The following CFAP53 variants were observed in gnomAD, a reference collection of about 807,000 sequenced individuals.
CFAP53 encodes cilia- and flagella-associated protein 53.
Under a neutral mutation model 59.7 loss-of-function variants are expected in CFAP53, and 62 were observed. The observed-to-expected ratio is 1.04, with a 90% CI of 0.85 to 1.28. CFAP53 has a LOEUF of 1.28. CFAP53 is among the 50% of genes most tolerant of loss of function. The probability of loss-of-function intolerance (pLI) is 0.00; values close to 1 mark genes in which losing one functional copy is unlikely to be tolerated. For synonymous variants in CFAP53, 218 were observed against 205.7 expected (o/e 1.06, Z -0.51); for missense variants, 629 against 615.6 (o/e 1.02, Z -0.23).
chr18:50,243,349 G>T (rs1315155001), intron 5 of CFAP53, among the ~76,000 whole-genome samples: 3 of 152,182 alleles, frequency 2.0e-5, no homozygotes, highest in Admixed American at 2.0e-4. Flanking sequence ...TTAAAGTGAG[G>T]TGATGGACAC....
Position 50,227,259 on chromosome 18 carries a change from C to T in CFAP53, c.*122G>A. ...TTATTCAAAGGAAGAAAATTATGTT[C>T]AATTAATTACACAAACTCAGGGAAA... On this transcript the variant is annotated 3_prime_UTR_variant, in exon 8 of 8. Coordinates refer to ENST00000398545, the MANE Select transcript of CFAP53 (RefSeq NM_145020.5). 1 of 739,186 alleles carries T rather than the reference C, an allele frequency of 1.4e-6. No homozygotes were observed. Among genetic ancestry groups the T allele is most frequent in the Non-Finnish European group, 2.2e-6 (1 of 458,606 alleles). The allele number at this position is 739,186 out of a possible 1,614,324, so 45.8% of individuals were successfully genotyped here.
intron 3 of CFAP53, among the ~76,000 whole-genome samples, chr18:50,259,369 A>G (rs2033871332): frequency 6.7e-6 from 1 of 149,612 alleles, no homozygotes; most frequent in African/African-American, 2.5e-5. Context: ...CAAACATTGC[A>G]TGTTCTCACT....
intron 7 of CFAP53, among the ~76,000 whole-genome samples, chr18:50,236,928 A>C (rs577679395): frequency 1.3e-5 from 2 of 152,116 alleles, no homozygotes; most frequent in South Asian, 2.1e-4. Context: ...TTTCTTCCTT[A>C]TCTCTCCACC....
intron 5 of CFAP53, among the ~76,000 whole-genome samples, chr18:50,243,612 T>G (rs189650358): frequency 8.5e-5 from 13 of 152,318 alleles, no homozygotes; most frequent in Non-Finnish European, 1.8e-4. Flanking sequence ...ATTACAGCAA[T>G]TCTCAATCTT....
chr18:50,258,633 C>T (rs1195512951), intron 3 of CFAP53, among the ~76,000 whole-genome samples: 1 of 152,120 alleles, frequency 6.6e-6, no homozygotes, highest in Non-Finnish European at 1.5e-5. Flanking sequence ...AGCTTCTGCA[C>T]AGCAAAAGAT....
In CFAP53 at chr18:50,233,416, G is replaced by A. The variant is rs546623268; in HGVS notation, c.1316+5187C>T. ...GCAGCGTCACCCTCTTAATATTGATGCTTTTATAAGGGAGGTAGTTTACGA... is the reference window on the plus strand; with the variant it reads ...GCAGCGTCACCCTCTTAATATTGATACTTTTATAAGGGAGGTAGTTTACGA... On this transcript the variant is annotated intron_variant, in intron 7 of 7. Transcript: ENST00000398545. Among the ~76,000 whole-genome samples, 4 of 152,268 alleles carry A rather than the reference G, an allele frequency of 2.6e-5. No homozygotes were observed. The South Asian group carries it at 8.3e-4, about 32-fold the overall frequency.
At chr18:50,238,735 A>G (rs1384790038) in intron 6 of CFAP53, 30 bp from the exon 7 acceptor site, 1 of 1,538,024 alleles carries the variant, frequency 6.5e-7, no homozygotes, top group Admixed American at 1.7e-5. Context: ...TTATATGTCA[A>G]ATGACTTTCA....
In CFAP53 at chr18:50,227,692, T is replaced by C. The variant is rs1453776960; in HGVS notation, c.1317-83A>G. Reference sequence around the variant, plus strand: ...CAGAGCATTACAATTAAAATATAATTTGTAAAGTCAAATTAAATTCCCATT... The same window carrying C: ...CAGAGCATTACAATTAAAATATAATCTGTAAAGTCAAATTAAATTCCCATT... On this transcript the variant is annotated intron_variant, in intron 7 of 7. Coordinates refer to ENST00000398545, the MANE Select transcript of CFAP53 (RefSeq NM_145020.5). The C allele has an allele frequency of 3.6e-6, 4 of 1,096,538 alleles. No homozygotes were observed. In the East Asian group the frequency reaches 9.5e-5, roughly 26 times the overall value. The allele number at this position is 1,096,538 out of a possible 1,614,324, so 67.9% of individuals were successfully genotyped here.
At chr18:50,239,986 AAT>A (rs1323923610) in intron 6 of CFAP53, among the ~76,000 whole-genome samples, 2 of 152,258 alleles carry the variant, frequency 1.3e-5, no homozygotes, top group Non-Finnish European at 2.9e-5. Flanking sequence ...TCAAAGAATC[AAT>A]ATGTCAGTAT....
intron 5 of CFAP53, among the ~76,000 whole-genome samples, 163 bp from the exon 6 acceptor site, chr18:50,243,279 G>T (rs542599895): frequency 5.3e-5 from 8 of 152,266 alleles, no homozygotes; most frequent in African/African-American, 1.9e-4. Context: ...ATACTCAAGA[G>T]TAGCGGGGGA....
chr18:50,258,843 C>T (rs1215152783), intron 3 of CFAP53, among the ~76,000 whole-genome samples: 1 of 152,152 alleles, frequency 6.6e-6, no homozygotes, highest in East Asian at 1.9e-4. Context: ...GGCAAACAGG[C>T]ATATGAAAAG....
At chr18:50,257,681 C>G (rs1347225241) in intron 3 of CFAP53, among the ~76,000 whole-genome samples, 1 of 152,186 alleles carries the variant, frequency 6.6e-6, no homozygotes, top group Non-Finnish European at 1.5e-5. Context: ...AACTTCTATA[C>G]TACCCAAAGC....
At chr18:50,264,733 T>C (rs1427022546) in intron 1 of CFAP53, among the ~76,000 whole-genome samples, 1 of 152,240 alleles carries the variant, frequency 6.6e-6, no homozygotes, top group Non-Finnish European at 1.5e-5. Flanking sequence ...GTGCAAAGTA[T>C]TCAATAAGCC....
At chr18:50,236,455 C>T (rs976964782) in intron 7 of CFAP53, among the ~76,000 whole-genome samples, 1 of 152,198 alleles carries the variant, frequency 6.6e-6, no homozygotes, top group African/African-American at 2.4e-5. Context: ...GGCCTTGTAA[C>T]TACTTTTGGA....
At chr18:50,250,618 C>T in intron 5 of CFAP53, 140 bp downstream of exon 5, 1 of 665,102 alleles carries the variant, frequency 1.5e-6, no homozygotes, top group East Asian at 2.6e-5. Context: ...CTAACATTTT[C>T]CCAGATGGTG....
At chr18:50,230,051 C>A (rs1047457072) in intron 7 of CFAP53, among the ~76,000 whole-genome samples, 1 of 152,150 alleles carries the variant, frequency 6.6e-6, no homozygotes, top group South Asian at 2.1e-4. Flanking sequence ...ACCCACCATG[C>A]CTGGCCTCTT....
chr18:50,242,213 T>A (rs923565882), intron 6 of CFAP53, among the ~76,000 whole-genome samples: 1 of 152,224 alleles, frequency 6.6e-6, no homozygotes, highest in Non-Finnish European at 1.5e-5. Context: ...GATTTCATAT[T>A]GTTCAAACAC....
In CFAP53 at chr18:50,251,398, G is replaced by C. The variant is rs1430056692; in HGVS notation, c.777+83C>G. The C allele has an allele frequency of 2.4e-6, 3 of 1,249,174 alleles. No homozygotes were observed. The African/African-American group carries it at 4.5e-5, about 19-fold the overall frequency. 77.4% of individuals were successfully genotyped at this position (1,249,174 alleles called of 1,614,324 possible). A position where few individuals can be genotyped will look rare whatever the true frequency, so the allele number is the denominator to read the frequency against. On this transcript the variant is annotated intron_variant, in intron 4 of 7. Transcript: ENST00000398545. ...GCCTGTGAACTAGCCCAGGCCATCA[G>C]ACAAACTGTACTGTAACAGGCCTGC...
At chr18:50,239,045 A>T (rs112949697) in intron 6 of CFAP53, among the ~76,000 whole-genome samples, 1 of 148,444 alleles carries the variant, frequency 6.7e-6, no homozygotes, top group African/African-American at 2.4e-5. Flanking sequence ...TATTATAAAT[A>T]ATTTATTATT....
Sources: allele counts gnomAD v4.1 joint callset (sites outside exome capture counted in the v4.1 genomes callset), GRCh38; gene constraint gnomAD v4.1.1; transcripts MANE v1.5; gene names NCBI Gene and HGNC (gene_info 2026-07-23, HGNC 2026-07-21).